Variants in ZCWPW2 observed in about 807,000 individuals in gnomAD.
The protein encoded by ZCWPW2 is zinc finger CW-type PWWP domain protein 2.
In ZCWPW2, 45 loss-of-function variants were observed where a neutral mutation model predicts 46.6. The ratio of observed to expected loss-of-function variants is 0.96; its 90% CI spans 0.76 to 1.24. The LOEUF (loss-of-function observed/expected upper bound fraction) is 1.24. Ranked by LOEUF, ZCWPW2 falls within the 50% of genes most tolerant of loss-of-function variation. The pLI is 0.00. For missense variants in ZCWPW2, 429 were observed against 403.9 expected, an observed-to-expected ratio of 1.06 and a Z score of -0.53; for synonymous variants, 152 against 137.1, an observed-to-expected ratio of 1.11 and a Z score of -0.76.
intron 6 of ZCWPW2, chr3:28,510,965 T>A (rs904285968): frequency 3.0e-5 from 13 of 431,866 alleles, no homozygotes; most frequent in African/African-American, 2.6e-4. Flanking sequence ...GGAACCAGAT[T>A]GAGTCTCTAC....
chr3:28,404,496 C>T (rs1263508540), intron 2 of ZCWPW2, among the ~76,000 whole-genome samples: 1 of 152,052 alleles, frequency 6.6e-6, no homozygotes, highest in Non-Finnish European at 1.5e-5. Flanking sequence ...AGTAGAACTG[C>T]CATTTGATCT....
chr3:28,387,710 A>C (rs1403936550), intron 1 of ZCWPW2, among the ~76,000 whole-genome samples: 1 of 152,184 alleles, frequency 6.6e-6, no homozygotes, highest in African/African-American at 2.4e-5. Context: ...GCAGAATAGG[A>C]AACTCAAAAT....
intron 5 of ZCWPW2, among the ~76,000 whole-genome samples, chr3:28,486,831 A>G (rs1360241515): frequency 6.6e-6 from 1 of 151,750 alleles, no homozygotes; most frequent in East Asian, 1.9e-4. Context: ...GTGCTACTGC[A>G]CTCTGACCTG....
At chr3:28,459,310 C>T (rs1400936161) in intron 4 of ZCWPW2, among the ~76,000 whole-genome samples, 2 of 151,704 alleles carry the variant, frequency 1.3e-5, no homozygotes, top group Admixed American at 6.6e-5. Context: ...GCGGAGGTGG[C>T]AGTGAGCCAA....
At chr3:28,515,708 A>T in intron 8 of ZCWPW2, 87 bp downstream of exon 8, 1 of 1,220,222 alleles carries the variant, frequency 8.2e-7, no homozygotes, top group Non-Finnish European at 1.1e-6. Flanking sequence ...GGAAAAAAAA[A>T]GATTTCCTGT....
intron 6 of ZCWPW2, among the ~76,000 whole-genome samples, chr3:28,507,412 A>G (rs1700305185): frequency 2.0e-5 from 3 of 152,070 alleles, no homozygotes; most frequent in Admixed American, 2.0e-4. Flanking sequence ...ATTTAAGATG[A>G]TACTTAATAA....
At chr3:28,405,941 A>G (rs1559491667) in intron 2 of ZCWPW2, among the ~76,000 whole-genome samples, 1 of 152,242 alleles carries the variant, frequency 6.6e-6, no homozygotes, top group South Asian at 2.1e-4. Flanking sequence ...AGATGGAAAT[A>G]GGAACATATC....
At chr3:28,370,379 A>C (rs1705283808) in intron 1 of ZCWPW2, among the ~76,000 whole-genome samples, 1 of 152,366 alleles carries the variant, frequency 6.6e-6, no homozygotes, top group East Asian at 1.9e-4. Context: ...TAGATAAATA[A>C]GTTGTGGTAT....
At chr3:28,524,275 A>AT (rs999043326) in intron 9 of ZCWPW2, among the ~76,000 whole-genome samples, 10 of 152,086 alleles carry the variant, frequency 6.6e-5, no homozygotes, top group African/African-American at 1.7e-4. Context: ...GAATTATCAC[A>AT]TTTTTCCAGA....
chr3:28,441,114 C>T (rs1056174258), intron 4 of ZCWPW2, among the ~76,000 whole-genome samples: 2 of 152,198 alleles, frequency 1.3e-5, no homozygotes, highest in Non-Finnish European at 2.9e-5. Context: ...ACAAAGATGA[C>T]TGGGGAAAGA....
intron 3 of ZCWPW2, among the ~76,000 whole-genome samples, chr3:28,434,458 A>T (rs1697401705): frequency 6.6e-6 from 1 of 152,206 alleles, no homozygotes; most frequent in Non-Finnish European, 1.5e-5. Flanking sequence ...TATGTCATGA[A>T]ATAACATATC....
chr3:28,500,850 G>T (rs10460987), intron 6 of ZCWPW2, among the ~76,000 whole-genome samples: 6 of 152,032 alleles, frequency 3.9e-5, no homozygotes, highest in Non-Finnish European at 8.8e-5. Flanking sequence ...TCTAGCCCTA[G>T]GCAGAGAGAA....
intron 6 of ZCWPW2, among the ~76,000 whole-genome samples, chr3:28,493,173 A>T (rs1699884009): frequency 1.2e-5 from 1 of 83,620 alleles, no homozygotes; most frequent in Non-Finnish European, 2.5e-5. Flanking sequence ...TTATACTTTA[A>T]GTTTTAGGGT....
chr3:28,425,259 G>A (rs1696960472), intron 3 of ZCWPW2, among the ~76,000 whole-genome samples: 1 of 152,078 alleles, frequency 6.6e-6, no homozygotes, highest in Non-Finnish European at 1.5e-5. Context: ...TGGCTAATTT[G>A]TCACATATAT....
intron 1 of ZCWPW2, among the ~76,000 whole-genome samples, chr3:28,353,425 A>G (rs73825141): frequency 0.026 from 3,995 of 152,312 alleles, 154 homozygotes; most frequent in African/African-American, 0.085. Context: ...AGATGGAAAT[A>G]TGAATTCAAG....
In ZCWPW2 at chr3:28,482,748, A is replaced by C. The variant is rs761938324; in HGVS notation, c.610+3817A>C. On this transcript the variant is annotated intron_variant, in intron 5 of 9. Transcript: ENST00000383768. ...TTTTAATTTACAATTTCCTAATGACATATGATGTTGAACATCCTTTCATAT... is the reference window on the plus strand; with the variant it reads ...TTTTAATTTACAATTTCCTAATGACCTATGATGTTGAACATCCTTTCATAT... 4.9e-4 allele frequency among the ~76,000 whole-genome samples: 74 copies of C among 152,152 alleles called. 1 individual carries two copies. The highest frequency in any genetic ancestry group is 1.0e-3 in the Non-Finnish European group (68 of 68,020).
At chr3:28,367,744 G>T (rs1705174743) in intron 1 of ZCWPW2, among the ~76,000 whole-genome samples, 1 of 152,136 alleles carries the variant, frequency 6.6e-6, no homozygotes. Context: ...TGACAGTAGG[G>T]TGTTAAAGTC....
chr3:28,506,248 G>A (rs1700274782), intron 6 of ZCWPW2, among the ~76,000 whole-genome samples: 1 of 151,654 alleles, frequency 6.6e-6, no homozygotes, highest in South Asian at 2.1e-4. Flanking sequence ...TATTTGTGTG[G>A]ATAGGTGGAA....
intron 4 of ZCWPW2, among the ~76,000 whole-genome samples, chr3:28,473,507 G>A (rs1335710812): frequency 6.6e-6 from 1 of 151,802 alleles, no homozygotes; most frequent in Admixed American, 6.6e-5. Context: ...GCTACTATAT[G>A]ATCCAGCCAT....
Sources: allele counts gnomAD v4.1 joint callset (sites outside exome capture counted in the v4.1 genomes callset), GRCh38; gene constraint gnomAD v4.1.1; transcripts MANE v1.5; gene names NCBI Gene and HGNC (gene_info 2026-07-23, HGNC 2026-07-21).